FKBP6: variants seen among roughly 807,000 people sequenced by gnomAD.
The protein encoded by FKBP6 is FKBP prolyl isomerase family member 6 (inactive), also known as inactive peptidyl-prolyl cis-trans isomerase FKBP6.
Under a neutral mutation model 41.7 loss-of-function variants are expected in FKBP6, and 29 were observed. The ratio of observed to expected loss-of-function variants is 0.70; its 90% confidence interval spans 0.52 to 0.95. FKBP6 has a LOEUF of 0.95. Ranked by LOEUF, FKBP6 falls within the 40% of genes least tolerant of loss-of-function variation. FKBP6 has a pLI of 0.00. For missense variants in FKBP6, 338 were observed against 408.7 expected (o/e 0.83, Z 1.49); for synonymous variants, 130 against 165.1 (o/e 0.79, Z 1.63).
At chr7:73,355,660 A>C (rs1018772807) in intron 8 of FKBP6, among the ~76,000 whole-genome samples, 1 of 151,676 alleles carries the variant, frequency 6.6e-6, no homozygotes, top group Non-Finnish European at 1.5e-5. Context: ...AAAAAAAATG[A>C]TAACATGATC....
intron 5 of FKBP6, among the ~76,000 whole-genome samples, chr7:73,335,670 G>A (rs1266437462): frequency 1.3e-5 from 2 of 152,216 alleles, no homozygotes; most frequent in East Asian, 3.9e-4. Flanking sequence ...CCACCAGATA[G>A]CTCTAATTCC....
chr7:73,336,875 T>A, intron 5 of FKBP6: 2 of 452,004 alleles, frequency 4.4e-6, no homozygotes, highest in South Asian at 3.1e-5. Flanking sequence ...ACAAAATGGA[T>A]GGTTAGACTT....
intron 5 of FKBP6, among the ~76,000 whole-genome samples, 186 bp downstream of exon 5, chr7:73,331,962 C>A (rs952382721): frequency 1.8e-4 from 28 of 152,232 alleles, no homozygotes; most frequent in South Asian, 4.1e-4. Context: ...CTCCTGGGTT[C>A]ACGCCATTCT....
chr7:73,354,397 T>C (rs1265826293), intron 8 of FKBP6, among the ~76,000 whole-genome samples: 3 of 152,148 alleles, frequency 2.0e-5, no homozygotes, highest in African/African-American at 7.2e-5. Flanking sequence ...GGCCACAGGT[T>C]GGGTGGGGAG....
chr7:73,336,711 C>A, intron 5 of FKBP6: 1 of 456,406 alleles, frequency 2.2e-6, no homozygotes, highest in Non-Finnish European at 4.4e-6. Flanking sequence ...GTGTGCAGGA[C>A]ATGTCAAATG....
intron 8 of FKBP6, among the ~76,000 whole-genome samples, chr7:73,355,704 G>A (rs1213252105): frequency 5.9e-5 from 9 of 151,454 alleles, no homozygotes; most frequent in Non-Finnish European, 1.2e-4. Context: ...GCTTGACAGT[G>A]AACATCTTTC....
At position 73,341,502 on chromosome 7, in the gene FKBP6, C is replaced by T. The variant is rs529495402; in HGVS notation, c.893+120C>T. The T allele has an allele frequency of 2.0e-5, 15 of 756,240 alleles. No homozygotes were observed. The East Asian group carries it at 3.8e-4, about 19-fold the overall frequency. 46.8% of individuals were successfully genotyped at this position (756,240 alleles called of 1,614,324 possible). A position where few individuals can be genotyped will look rare whatever the true frequency, so the allele number is the denominator to read the frequency against. On this transcript the variant is annotated intron_variant, in intron 7 of 8. Coordinates refer to ENST00000252037, the MANE Select transcript of FKBP6 (RefSeq NM_003602.5). ...GTTGCCCAGAGTGTTAGGAGGCCGC[C>T]CCCTCTACAGCTGGGTTTCTGAAGT...
At chr7:73,329,642 A>G (rs1804771005) in intron 3 of FKBP6, 193 bp downstream of exon 3, 8 of 624,416 alleles carry the variant, frequency 1.3e-5, no homozygotes, top group South Asian at 9.4e-5. Context: ...CGGGCAAGGT[A>G]TAATCTTTGC....
intron 8 of FKBP6, among the ~76,000 whole-genome samples, chr7:73,347,360 T>C (rs1554550425): frequency 1.3e-5 from 2 of 152,218 alleles, no homozygotes; most frequent in African/African-American, 4.8e-5. Flanking sequence ...ATTGCCAAGG[T>C]TGCAGAGCTC....
intron 8 of FKBP6, 148 bp downstream of exon 8, chr7:73,343,047 T>C (rs1554549848): frequency 2.8e-6 from 2 of 710,050 alleles, no homozygotes; most frequent in East Asian, 2.7e-5. Context: ...ACAACGGTAG[T>C]GCAGGATGCA....
chr7:73,341,637 AACC>A (rs1554549621), intron 7 of FKBP6, among the ~76,000 whole-genome samples: 2 of 40,222 alleles, frequency 5.0e-5, no homozygotes, highest in African/African-American at 1.1e-4. Flanking sequence ...GCAAATAAAC[AACC>A]CCTAGAGAGG....
intron 2 of FKBP6, among the ~76,000 whole-genome samples, chr7:73,328,906 T>C (rs1405498362): frequency 2.0e-5 from 3 of 152,092 alleles, no homozygotes; most frequent in African/African-American, 7.2e-5. Context: ...CCTCCTGGGC[T>C]CGTGATTCTC....
At chr7:73,343,007 G>A in intron 8 of FKBP6, 108 bp downstream of exon 8, 1 of 799,668 alleles carries the variant, frequency 1.3e-6, no homozygotes, top group Non-Finnish European at 2.2e-6. Flanking sequence ...TGGACGAGGG[G>A]TAGACAAGTT....
At chr7:73,344,573 A>G (rs1805285084) in intron 8 of FKBP6, among the ~76,000 whole-genome samples, 1 of 143,344 alleles carries the variant, frequency 7.0e-6, no homozygotes, top group Non-Finnish European at 1.5e-5. Flanking sequence ...TTGACAACCT[A>G]GTTGTCACTA....
chr7:73,348,480 T>C (rs138852421), intron 8 of FKBP6, among the ~76,000 whole-genome samples: 3 of 152,250 alleles, frequency 2.0e-5, no homozygotes, highest in African/African-American at 4.8e-5. Flanking sequence ...TTCGCAACAC[T>C]CAGGACTTCC....
intron 8 of FKBP6, among the ~76,000 whole-genome samples, chr7:73,352,733 CA>C (rs1805525733): frequency 6.6e-6 from 1 of 152,084 alleles, no homozygotes; most frequent in South Asian, 2.1e-4. Flanking sequence ...GAGCTATGAG[CA>C]AAAGTTCTCT....
rs187201699 is a variant in FKBP6 at position 73,337,668 on chromosome 7, G to A, written c.589-2970G>A. Among the ~76,000 whole-genome samples the A allele has an allele frequency of 4.2e-3, 643 of 152,046 alleles. 3 individuals are homozygous for A. Among genetic ancestry groups the A allele is most frequent in the African/African-American group, 0.013 (553 of 41,474 alleles). ...CCAAATGGAGTTCCAGGGAGTGCAG[G>A]CTCTGCCTTCATCCATTTTTTTTTG... On this transcript the variant is annotated intron_variant, in intron 5 of 8. Coordinates refer to ENST00000252037, the MANE Select transcript of FKBP6 (RefSeq NM_003602.5).
At chr7:73,329,842 C>T (rs1238229006) in intron 3 of FKBP6, 13 of 530,680 alleles carry the variant, frequency 2.4e-5, no homozygotes, top group Admixed American at 6.3e-5. Context: ...TTGGTAGAAT[C>T]GGATGAGTGC....
At chr7:73,333,807 C>T (rs533606888) in intron 5 of FKBP6, among the ~76,000 whole-genome samples, 1 of 152,220 alleles carries the variant, frequency 6.6e-6, no homozygotes, top group South Asian at 2.1e-4. Context: ...CACGGTGGCT[C>T]ATGCCTGTAA....
Sources: gnomAD v4.1 joint callset for allele counts (sites outside exome capture counted in the v4.1 genomes callset) on GRCh38, gnomAD v4.1.1 for gene constraint, MANE v1.5 for transcripts, NCBI Gene and HGNC (gene_info 2026-07-23, HGNC 2026-07-21) for gene names.